PAIP2: variants seen among roughly 807,000 people sequenced by gnomAD.
PAIP2 encodes poly(A) binding protein interacting protein 2.
PAIP2 carries 7 observed loss-of-function variants against 14.8 expected under a neutral mutation model. The observed-to-expected ratio is 0.47, with a 90% confidence interval of 0.27 to 0.89. The LOEUF (loss-of-function observed/expected upper bound fraction) is 0.89. Among genes scored for constraint, PAIP2 ranks in the 40% least tolerant of loss-of-function variants. The probability of loss-of-function intolerance (pLI) is 0.13; values close to 1 mark genes in which losing one functional copy is unlikely to be tolerated. For missense variants in PAIP2, 122 were observed against 154.7 expected (o/e 0.79, Z 1.12); for synonymous variants, 47 against 45.3 (o/e 1.04, Z -0.15).
At chr5:139,365,997 C>T (rs1015996732) in intron 3 of PAIP2, among the ~76,000 whole-genome samples, 4 of 151,922 alleles carry the variant, frequency 2.6e-5, no homozygotes, top group African/African-American at 9.7e-5. Flanking sequence ...GTCAAGAGTT[C>T]GAGACCAGCC....
In PAIP2 at chr5:139,368,819, G is replaced by A; in HGVS notation, c.*21G>A. ...TTTGAGTAGACGGGGCCCTCTTTTGGTGGATGTAGCACAATTTCCACACTG... is the reference window on the plus strand; with the variant it reads ...TTTGAGTAGACGGGGCCCTCTTTTGATGGATGTAGCACAATTTCCACACTG... On this transcript the variant is annotated 3_prime_UTR_variant, in exon 4 of 4. Transcript: ENST00000265192. The A allele has an allele frequency of 6.4e-7, 1 of 1,556,098 alleles. No individual in the cohort carries two copies. Among genetic ancestry groups the A allele is most frequent in the Non-Finnish European group, 8.9e-7 (1 of 1,127,582 alleles).
At chr5:139,342,407 C>T (rs1385315685) in intron 1 of PAIP2, 2 of 152,046 alleles carry the variant, frequency 1.3e-5, no homozygotes, top group African/African-American at 4.8e-5. Flanking sequence ...CCACGCGCAG[C>T]CCCTACTTGC....
intron 1 of PAIP2, among the ~76,000 whole-genome samples, chr5:139,354,312 A>AT (rs1023946900): frequency 2.6e-4 from 40 of 151,244 alleles, no homozygotes; most frequent in East Asian, 1.2e-3. Flanking sequence ...TCTTAGTTCG[A>AT]TTTTTTTTTC....
intron 1 of PAIP2, among the ~76,000 whole-genome samples, chr5:139,358,214 G>C (rs1279397139): frequency 1.3e-5 from 2 of 152,184 alleles, no homozygotes; most frequent in Admixed American, 6.6e-5. Flanking sequence ...CCTGGAACAA[G>C]TTACTTAAGA....
intron 1 of PAIP2, among the ~76,000 whole-genome samples, chr5:139,357,754 C>G (rs943772010): frequency 6.6e-6 from 1 of 152,170 alleles, no homozygotes; most frequent in Non-Finnish European, 1.5e-5. Flanking sequence ...TCGCTTGAAC[C>G]TAGGAGGCAG....
chr5:139,356,106 C>T (rs533457848), intron 1 of PAIP2, among the ~76,000 whole-genome samples: 45 of 151,610 alleles, frequency 3.0e-4, no homozygotes, highest in Admixed American at 6.6e-4. Flanking sequence ...CCATTGCACT[C>T]CAGCCTGGGT....
intron 1 of PAIP2, among the ~76,000 whole-genome samples, chr5:139,344,183 C>T (rs1314512547): frequency 6.6e-6 from 1 of 152,180 alleles, no homozygotes; most frequent in Non-Finnish European, 1.5e-5. Context: ...AAGTAACTTT[C>T]CCAATGTCAC....
At chr5:139,353,073 C>G (rs549428023) in intron 1 of PAIP2, among the ~76,000 whole-genome samples, 1 of 151,204 alleles carries the variant, frequency 6.6e-6, no homozygotes, top group Non-Finnish European at 1.5e-5. Context: ...AGCCATTGCA[C>G]TCCAGCCTGG....
At chr5:139,351,901 C>G (rs897461935) in intron 1 of PAIP2, among the ~76,000 whole-genome samples, 1 of 152,064 alleles carries the variant, frequency 6.6e-6, no homozygotes, top group African/African-American at 2.4e-5. Context: ...CCCAAGTGAT[C>G]CTCCCGCATC....
intron 1 of PAIP2, among the ~76,000 whole-genome samples, chr5:139,345,069 G>C (rs1389516570): frequency 6.6e-6 from 1 of 151,892 alleles, no homozygotes; most frequent in East Asian, 1.9e-4. Context: ...TTTTTGAAAC[G>C]GAGTCTTGCT....
chr5:139,343,743 A>T lies in PAIP2; in HGVS notation c.-27+1763A>T, dbSNP rs1581283460. Among the ~76,000 whole-genome samples the T allele has an allele frequency of 2.4e-5, 3 of 127,454 alleles. No homozygotes were observed. In the South Asian group the frequency reaches 7.1e-4, roughly 30 times the overall value. The allele number at this position is 127,454 out of a possible 152,430, so 83.6% of individuals were successfully genotyped here. ...TTTTTTTTTTTTGAGATGGAGTCTC[A>T]CTCTGTCGCCAGGCTGGAGTGCTGG... is the stretch of plus-strand genomic sequence containing the variant. On this transcript the variant is annotated intron_variant, in intron 1 of 3. Transcript: ENST00000265192.
chr5:139,346,918 T>A (rs1433516234), intron 1 of PAIP2, among the ~76,000 whole-genome samples: 1 of 152,180 alleles, frequency 6.6e-6, no homozygotes, highest in African/African-American at 2.4e-5. Context: ...CAAGCAGTGC[T>A]CCTGCCTCAG....
At chr5:139,354,823 T>C (rs987683073) in intron 1 of PAIP2, among the ~76,000 whole-genome samples, 8 of 137,390 alleles carry the variant, frequency 5.8e-5, no homozygotes, top group Non-Finnish European at 1.1e-4. Context: ...CAGTTGTACC[T>C]TTTTTTTTTT....
At chr5:139,346,019 G>C (rs980441105) in intron 1 of PAIP2, among the ~76,000 whole-genome samples, 3 of 152,112 alleles carry the variant, frequency 2.0e-5, no homozygotes, top group African/African-American at 7.2e-5. Flanking sequence ...AAATTCCATA[G>C]ACAATATAAA....
chr5:139,343,214 A>G (rs1051047860), intron 1 of PAIP2: 4 of 152,236 alleles, frequency 2.6e-5, no homozygotes, highest in African/African-American at 7.2e-5. Flanking sequence ...GGGGAAAATT[A>G]GTCTGTTTAT....
At chr5:139,362,420 T>TA (rs1386699791) in intron 1 of PAIP2, among the ~76,000 whole-genome samples, 2 of 147,552 alleles carry the variant, frequency 1.4e-5, no homozygotes, top group Non-Finnish European at 3.0e-5. Flanking sequence ...TTTTTTTTTT[T>TA]TTTTTTTGAG....
rs574250861 is a variant in PAIP2 at position 139,368,507 on chromosome 5, C to T, written c.319-226C>T. Among the ~76,000 whole-genome samples, 271 of 152,068 alleles carry T rather than the reference C, an allele frequency of 1.8e-3. 1 individual carries two copies. The highest frequency in any genetic ancestry group is 0.01 in the Middle Eastern group (3 of 294). On this transcript the variant is annotated intron_variant, in intron 3 of 3. Coordinates refer to ENST00000265192, the MANE Select transcript of PAIP2 (RefSeq NM_016480.5). ...TTGTGCCACTGCACTCCAGCCTGGG[C>T]GACAGAGCAAGACTCCGTCACAAAA...
At chr5:139,357,459 C>A (rs1305039665) in intron 1 of PAIP2, among the ~76,000 whole-genome samples, 2 of 152,140 alleles carry the variant, frequency 1.3e-5, no homozygotes, top group African/African-American at 2.4e-5. Context: ...TGCTACTGCC[C>A]CACCTCACTC....
At chr5:139,346,196 G>A (rs1026068496) in intron 1 of PAIP2, among the ~76,000 whole-genome samples, 12 of 152,160 alleles carry the variant, frequency 7.9e-5, no homozygotes, top group African/African-American at 2.7e-4. Flanking sequence ...TGAAATATAT[G>A]AATTTGTTAA....
Sources: allele counts gnomAD v4.1 joint callset (sites outside exome capture counted in the v4.1 genomes callset), GRCh38; gene constraint gnomAD v4.1.1; transcripts MANE v1.5; gene names NCBI Gene and HGNC (gene_info 2026-07-23, HGNC 2026-07-21).